The following ECE2 variants were observed in gnomAD, a reference collection of about 807,000 sequenced individuals.
The protein encoded by ECE2 is endothelin-converting enzyme 2.
A neutral mutation model predicts 100.6 loss-of-function variants in ECE2; 81 were observed. That is an observed-to-expected ratio of 0.81 (90% CI 0.67 to 0.97). ECE2 has a LOEUF of 0.97. Among genes scored for constraint, ECE2 ranks in the 50% least tolerant of loss-of-function variants. The pLI is 0.00. For missense variants in ECE2, 911 were observed against 988.1 expected, an observed-to-expected ratio of 0.92 and a Z score of 1.05; for synonymous variants, 391 against 391.5, an observed-to-expected ratio of 1.00 and a Z score of 0.02.
chr3:184,278,573 C>A lies in ECE2; in HGVS notation c.816+16C>A. On this transcript the variant is annotated intron_variant, in intron 7 of 18. Coordinates refer to ENST00000404464, the MANE Select transcript of ECE2 (RefSeq NM_001100121.2). Reference sequence around the variant, plus strand: ...CAATGAGAAAGTAAGGAACATCTTCCGAACCCCCATCCCTACCCCTGGCTG... The same window carrying A: ...CAATGAGAAAGTAAGGAACATCTTCAGAACCCCCATCCCTACCCCTGGCTG... 6.2e-7 allele frequency: 1 copy of A among 1,613,920 alleles called. No homozygotes were observed.
intron 10 of ECE2, among the ~76,000 whole-genome samples, chr3:184,286,514 A>C (rs1416379755): frequency 6.6e-6 from 1 of 152,060 alleles, no homozygotes; most frequent in Non-Finnish European, 1.5e-5. Context: ...GTTAAGAGGC[A>C]ATTGCAGGCC....
chr3:184,276,565 G>T lies in ECE2; in HGVS notation c.124G>T (p.Glu42Ter). ...GGGCGGGGCCTCCCCGGACGCCATG[G>T]AGGTGGGCAAGGGGGCTTCCCCTTT... ...VEGGASPDAM[E>*]VGFQKGTRQL... is the part of the protein sequence containing the mutation. Residue 42 changes from glutamate to a stop codon, truncating the protein, a stop_gained and splice_region_variant, in exon 2 of 19, where the codon GAG becomes TAG. Transcript: ENST00000404464. LOFTEE classifies it high-confidence loss of function. 6.2e-7 allele frequency: 1 copy of T among 1,609,178 alleles called. No homozygotes were observed. Among genetic ancestry groups the T allele is most frequent in the Non-Finnish European group, 8.5e-7 (1 of 1,178,536 alleles).
In ECE2 at chr3:184,277,187, G is replaced by A. The variant is rs776265735; in HGVS notation, c.263-64G>A. ...TTCCTGCTGTCATGGCCCTTGCAGA[G>A]TTTGCCTCTTCCAGACAGACAGACT... On this transcript the variant is annotated intron_variant, in intron 3 of 18. Transcript: ENST00000404464. 7.5e-6 allele frequency: 12 copies of A among 1,609,336 alleles called. No individual in the cohort carries two copies. The South Asian group carries it at 1.2e-4, about 16-fold the overall frequency.
intron 11 of ECE2, among the ~76,000 whole-genome samples, chr3:184,288,309 CAAAAAAAAAAAAAA>C (rs10608428): frequency 1.1e-5 from 1 of 91,472 alleles, no homozygotes; most frequent in Admixed American, 1.3e-4. Flanking sequence ...AACTCTGTCT[CAAAAAAAAAAAAAA>C]AAAAAAAAGA....
intron 7 of ECE2, 57 bp downstream of exon 7, chr3:184,278,614 T>G (rs767555242): frequency 8.2e-6 from 13 of 1,593,648 alleles, no homozygotes; most frequent in Non-Finnish European, 7.7e-6. Context: ...GGCTGATCCC[T>G]GTTGACTTTT....
At position 184,289,820 on chromosome 3, in the gene ECE2, C is replaced by T. The variant is rs1014775977; in HGVS notation, c.1551+102C>T. 158 of 1,105,882 alleles carry T rather than the reference C, an allele frequency of 1.4e-4. No individual in the cohort carries two copies. Among genetic ancestry groups the T allele is most frequent in the African/African-American group, 1.0e-3 (66 of 63,624 alleles). 68.5% of individuals were successfully genotyped at this position (1,105,882 alleles called of 1,614,324 possible). A position where few individuals can be genotyped will look rare whatever the true frequency, so the allele number is the denominator to read the frequency against. On this transcript the variant is annotated intron_variant, in intron 13 of 18. Coordinates refer to ENST00000404464, the MANE Select transcript of ECE2 (RefSeq NM_001100121.2). This position sits in a 1 kb window ranked among gnomAD's most constrained non-coding sequence, Gnocchi z 4.1. Reference sequence around the variant, plus strand: ...CAAGCACTGGGAAAGAGGTGCTTGTCGGTTTCTTTTAGAGGCAGATGGAGG... The same window carrying T: ...CAAGCACTGGGAAAGAGGTGCTTGTTGGTTTCTTTTAGAGGCAGATGGAGG...
At chr3:184,290,717 G>A (rs751904266) in intron 15 of ECE2, 50 bp downstream of exon 15, 1 of 1,612,750 alleles carries the variant, frequency 6.2e-7, no homozygotes, top group Admixed American at 1.7e-5. Flanking sequence ...GCCTGTGGTT[G>A]AGCTGGGAGC....
Position 184,289,428 on chromosome 3 carries a change from C to G in ECE2, c.1375-9C>G. 6.3e-7 allele frequency: 1 copy of G among 1,594,670 alleles called. No individual in the cohort carries two copies. The highest frequency in any genetic ancestry group is 8.5e-7 in the Non-Finnish European group (1 of 1,170,702). On this transcript the variant is annotated splice_polypyrimidine_tract_variant and intron_variant, in intron 11 of 18. Transcript: ENST00000404464. This position sits in a 1 kb window ranked among gnomAD's most constrained non-coding sequence, Gnocchi z 4.1. Reference sequence around the variant, plus strand: ...CAGGGGAAGGCTGACTTTACCTCCTCCCTCCCAGGCAGAGGGGATGATCAG... The same window carrying G: ...CAGGGGAAGGCTGACTTTACCTCCTGCCTCCCAGGCAGAGGGGATGATCAG...
At chr3:184,284,114 T>A in intron 8 of ECE2, 141 bp downstream of exon 8, 3 of 1,070,018 alleles carry the variant, frequency 2.8e-6, no homozygotes, top group Non-Finnish European at 4.0e-6. Context: ...GCTGCACTGC[T>A]GCTGTCCTGG....
chr3:184,280,848 G>A (rs560141176), intron 7 of ECE2, among the ~76,000 whole-genome samples: 63 of 152,082 alleles, frequency 4.1e-4, no homozygotes, highest in Non-Finnish European at 7.9e-4. Flanking sequence ...ACGTGGTGGC[G>A]GGTGCCTGTA....
chr3:184,279,320 AAAAAAAAAG>A (rs1239786987), intron 7 of ECE2, among the ~76,000 whole-genome samples: 1 of 150,324 alleles, frequency 6.7e-6, no homozygotes, highest in East Asian at 1.9e-4. Flanking sequence ...AAAAAAAAAA[AAAAAAAAAG>A]AAAGAAAAAG....
chr3:184,288,198 T>C (rs920031646), intron 11 of ECE2, among the ~76,000 whole-genome samples: 1 of 149,992 alleles, frequency 6.7e-6, no homozygotes, highest in East Asian at 2.0e-4. Context: ...TAATCCCAGC[T>C]ACTTGGGAGG....
chr3:184,290,199 A>G (rs1721243864), intron 13 of ECE2, 56 bp from the exon 14 acceptor site: 1 of 1,436,000 alleles, frequency 7.0e-7, no homozygotes, highest in Non-Finnish European at 9.7e-7. Context: ...AACTGGCGCT[A>G]TTATCTTCTC....
At position 184,276,521 on chromosome 3, in the gene ECE2, CACCCGAG is replaced by C; in HGVS notation, c.85_91del (p.Glu29ProfsTer2). 1 of 1,611,464 alleles carries C rather than the reference CACCCGAG, an allele frequency of 6.2e-7. No homozygotes were observed. The highest frequency in any genetic ancestry group is 8.5e-7 in the Non-Finnish European group (1 of 1,179,764). ...CGGGCCACGCTTCGGGATGAAGACGCACCCGAGACCCCCGTAGAGGGCGGGGCCTCCC... is the reference window on the plus strand; with the variant it reads ...CGGGCCACGCTTCGGGATGAAGACGCACCCCCGTAGAGGGCGGGGCCTCCC... On this transcript the variant is annotated frameshift_variant, in exon 2 of 19. Transcript: ENST00000404464. LOFTEE classifies it high-confidence loss of function.
chr3:184,276,152 C>A lies in ECE2; in HGVS notation c.-2C>A. 7.0e-7 allele frequency: 1 copy of A among 1,428,380 alleles called. No individual in the cohort carries two copies. The highest frequency in any genetic ancestry group is 9.1e-7 in the Non-Finnish European group (1 of 1,097,244). 88.5% of individuals were successfully genotyped at this position (1,428,380 alleles called of 1,614,324 possible). Reference sequence around the variant, plus strand: ...TGAATCACCGCCTGGCCCGACTCCACCATGAACGTCGCGCTGCAGGAGCTG... The same window carrying A: ...TGAATCACCGCCTGGCCCGACTCCAACATGAACGTCGCGCTGCAGGAGCTG... On this transcript the variant is annotated 5_prime_UTR_variant, in exon 1 of 19. Transcript: ENST00000404464.
At chr3:184,284,850 C>T (rs1720963183) in intron 8 of ECE2, 113 bp from the exon 9 acceptor site, 3 of 1,386,752 alleles carry the variant, frequency 2.2e-6, no homozygotes, top group Middle Eastern at 2.6e-4. Flanking sequence ...CACCATGAAG[C>T]CAGTAGTTGT....
rs1011797526 is a variant in ECE2, at chr3:184,276,737, A to G, written c.127-155A>G. The stretch of plus-strand genomic sequence containing the variant: ...CGATGCTAAGCCGTGACGTTGCACA[A>G]AACAGACTCAAGGCTCAACTCACTG... On this transcript the variant is annotated intron_variant, in intron 2 of 18. Coordinates refer to ENST00000404464, the MANE Select transcript of ECE2 (RefSeq NM_001100121.2). The G allele has an allele frequency of 9.0e-6, 14 of 1,550,928 alleles. No homozygotes were observed. In the Admixed American group the frequency reaches 2.6e-4, roughly 29 times the overall value.
rs1274420476 is a variant in ECE2 at position 184,290,833 on chromosome 3, G to C, written c.1807G>C (p.Glu603Gln). 1 of 1,614,080 alleles carries C rather than the reference G, an allele frequency of 6.2e-7. No individual in the cohort carries two copies. Among genetic ancestry groups the C allele is most frequent in the African/African-American group, 1.3e-5 (1 of 74,942 alleles). ...TGGCATCGGTGTGGTCATGGGCCATGAGTTGACGCATGCCTTTGATGACCA... is the reference window on the plus strand; with the variant it reads ...TGGCATCGGTGTGGTCATGGGCCATCAGTTGACGCATGCCTTTGATGACCA... ...FGGIGVVMGH[E>Q]LTHAFDDQGR... Residue 603 changes from glutamate to glutamine, a missense_variant, in exon 16 of 19, where the codon GAG (glutamate) becomes CAG (glutamine). Coordinates refer to ENST00000404464, the MANE Select transcript of ECE2 (RefSeq NM_001100121.2).
rs1409352917 is a variant in ECE2, at chr3:184,276,165, G to C, written c.12G>C (p.Ala4=). MNV[A]LQELGAGSNM... The stretch of plus-strand genomic sequence containing the variant: ...GGCCCGACTCCACCATGAACGTCGC[G>C]CTGCAGGAGCTGGGAGCTGGCAGCA... Residue 4 remains alanine, a synonymous_variant, in exon 1 of 19, where the codon GCG becomes GCC. Coordinates refer to ENST00000404464, the MANE Select transcript of ECE2 (RefSeq NM_001100121.2). The C allele has an allele frequency of 2.8e-6, 4 of 1,433,284 alleles. No individual in the cohort carries two copies. The African/African-American group carries it at 4.4e-5, about 16-fold the overall frequency. The allele number at this position is 1,433,284 out of a possible 1,614,324, so 88.8% of individuals were successfully genotyped here.
Sources: allele counts gnomAD v4.1 joint callset (sites outside exome capture counted in the v4.1 genomes callset), GRCh38; gene constraint gnomAD v4.1.1; non-coding constraint Gnocchi (gnomAD v3.1); transcripts MANE v1.5; gene names NCBI Gene and HGNC (gene_info 2026-07-23, HGNC 2026-07-21).